DOP1B: variants seen among roughly 807,000 people sequenced by gnomAD.
The protein encoded by DOP1B is DOP1 leucine zipper like protein B, also known as protein DOP1B.
DOP1B carries 174 observed loss-of-function variants against 233.5 expected under a neutral mutation model. That is an observed-to-expected ratio of 0.75 (90% CI 0.66 to 0.85). The LOEUF (loss-of-function observed/expected upper bound fraction) is 0.85, where lower values mean the gene tolerates loss of function less well. DOP1B is among the 40% of genes least tolerant of loss of function. The pLI is 0.00. For missense variants in DOP1B, 2,652 were observed against 2,846.6 expected (o/e 0.93, Z 1.56); for synonymous variants, 1,190 against 1,185.6 (o/e 1.00, Z -0.08).
At chr21:36,205,974 C>T (rs1353256752) in intron 4 of DOP1B, among the ~76,000 whole-genome samples, 1 of 151,498 alleles carries the variant, frequency 6.6e-6, no homozygotes, top group Non-Finnish European at 1.5e-5. Flanking sequence ...CGTGCCATTG[C>T]ACTCCAGCCT....
intron 2 of DOP1B, among the ~76,000 whole-genome samples, chr21:36,176,083 T>A (rs1302774015): frequency 2.2e-5 from 2 of 91,842 alleles, no homozygotes; most frequent in South Asian, 4.7e-4. Context: ...AGCTTCGACT[T>A]TGGGGTGTGT....
At chr21:36,226,925 A>G (rs960220740) in intron 12 of DOP1B, among the ~76,000 whole-genome samples, 9 of 152,102 alleles carry the variant, frequency 5.9e-5, no homozygotes, top group African/African-American at 2.2e-4. Context: ...TTGAAAATTA[A>G]TATGGTATGG....
At chr21:36,244,913 T>A in intron 18 of DOP1B, 135 bp from the exon 19 acceptor site, 1 of 845,434 alleles carries the variant, frequency 1.2e-6, no homozygotes, top group Non-Finnish European at 1.8e-6. Context: ...AACCGGACTC[T>A]GGTGGTGGTG....
rs960975765 is a variant in DOP1B, at chr21:36,214,665, A to G, written c.1129+109A>G. On this transcript the variant is annotated intron_variant, in intron 9 of 36. Coordinates refer to ENST00000691173, the MANE Select transcript of DOP1B (RefSeq NM_001320714.2). Reference sequence around the variant, plus strand: ...AAAGCGTTATTTTGAATATAATTTAATATTTGGAATTTCACAACTTTGAAG... The same window carrying G: ...AAAGCGTTATTTTGAATATAATTTAGTATTTGGAATTTCACAACTTTGAAG... 3.0e-6 allele frequency: 3 copies of G among 999,012 alleles called. No individual in the cohort carries two copies. The East Asian group carries it at 7.9e-5, about 26-fold the overall frequency. 61.9% of individuals were successfully genotyped at this position (999,012 alleles called of 1,614,324 possible).
chr21:36,225,540 A>T, intron 11 of DOP1B, 25 bp from the exon 12 acceptor site: 1 of 1,613,380 alleles, frequency 6.2e-7, no homozygotes, highest in Non-Finnish European at 8.5e-7. Context: ...CAAAGAATGG[A>T]TTTTTTCTTT....
chr21:36,280,166 C>T, intron 30 of DOP1B, 119 bp from the exon 31 acceptor site: 4 of 693,824 alleles, frequency 5.8e-6, no homozygotes, highest in Non-Finnish European at 7.0e-6. Flanking sequence ...TGAGCCACTG[C>T]ACCTGGCCCA....
chr21:36,225,004 C>A (rs79786867), intron 11 of DOP1B, among the ~76,000 whole-genome samples: 10,875 of 151,890 alleles, frequency 0.072, 537 homozygotes, highest in African/African-American at 0.13. Context: ...CGATGGTACT[C>A]CAGGTCTCCT....
intron 30 of DOP1B, among the ~76,000 whole-genome samples, chr21:36,279,899 G>C (rs896599652): frequency 6.6e-6 from 1 of 152,034 alleles, no homozygotes; most frequent in Non-Finnish European, 1.5e-5. Context: ...TTTTGAGATG[G>C]AGTTTTGCTC....
At chr21:36,191,210 T>C (rs538635227) in intron 2 of DOP1B, among the ~76,000 whole-genome samples, 1 of 148,432 alleles carries the variant, frequency 6.7e-6, no homozygotes, top group African/African-American at 2.5e-5. Context: ...GAAGACGCTG[T>C]CAGAGAATAA....
At chr21:36,233,211 T>A in intron 15 of DOP1B, 136 bp downstream of exon 15, 1 of 1,188,730 alleles carries the variant, frequency 8.4e-7, no homozygotes, top group Non-Finnish European at 1.2e-6. Flanking sequence ...GCAGAGGCAG[T>A]AGCCTTTGGT....
Position 36,277,011 on chromosome 21 carries a change from C to T in DOP1B, c.5633-10C>T, listed in dbSNP as rs766026408. On this transcript the variant is annotated splice_polypyrimidine_tract_variant and intron_variant, in intron 27 of 36. Coordinates refer to ENST00000691173, the MANE Select transcript of DOP1B (RefSeq NM_001320714.2). ...ATAGTTAACATACAAATGGCTCTTT[C>T]TGTTCACAGATGCTGCTGCAGCTTC... 1 of 1,613,820 alleles carries T rather than the reference C, an allele frequency of 6.2e-7. No individual in the cohort carries two copies. The highest frequency in any genetic ancestry group is 1.3e-5 in the African/African-American group (1 of 74,914).
chr21:36,228,954 G>A (rs116361753), intron 13 of DOP1B, among the ~76,000 whole-genome samples: 1,707 of 152,194 alleles, frequency 0.011, 39 homozygotes, highest in African/African-American at 0.038. Flanking sequence ...CTGAGTGAGA[G>A]CAAGACCCTG....
intron 10 of DOP1B, among the ~76,000 whole-genome samples, chr21:36,221,790 C>A (rs1171590567): frequency 6.6e-6 from 1 of 152,110 alleles, no homozygotes; most frequent in Non-Finnish European, 1.5e-5. Flanking sequence ...GTTGGCCAGG[C>A]TGGCCTCGAA....
Position 36,189,709 on chromosome 21 carries a change from CA to C in DOP1B, c.139-9352del, listed in dbSNP as rs556052033. Among the ~76,000 whole-genome samples, 707 of 148,530 alleles carry C rather than the reference CA, an allele frequency of 4.8e-3. 4 individuals carry two copies. The highest frequency in any genetic ancestry group is 0.016 in the African/African-American group (645 of 40,376). ...TGGGTGACAGAGCGAGACTCTGTCT[CA>C]AAAAAAAATGGGATTTTGGGTTAGG... On this transcript the variant is annotated intron_variant, in intron 2 of 36. Transcript: ENST00000691173.
chr21:36,227,657 TG>T, intron 12 of DOP1B, 28 bp from the exon 13 acceptor site: 1 of 1,459,746 alleles, frequency 6.9e-7, no homozygotes, highest in African/African-American at 1.4e-5. Flanking sequence ...ACCAACATTG[TG>T]GGGTTAACCT....
At chr21:36,248,300 C>T in intron 20 of DOP1B, 80 bp from the exon 21 acceptor site, 1 of 1,475,610 alleles carries the variant, frequency 6.8e-7, no homozygotes, top group Admixed American at 1.9e-5. Context: ...AGACCTAATC[C>T]CGCTAGCACT....
chr21:36,259,066 T>C (rs1041493866), intron 23 of DOP1B, among the ~76,000 whole-genome samples: 3 of 148,522 alleles, frequency 2.0e-5, no homozygotes, highest in Non-Finnish European at 3.0e-5. Flanking sequence ...CCCAGGTTCA[T>C]GCCATTCTCC....
chr21:36,269,652 T>G (rs1215292153), intron 26 of DOP1B, among the ~76,000 whole-genome samples: 1 of 152,054 alleles, frequency 6.6e-6, no homozygotes, highest in African/African-American at 2.4e-5. Context: ...TCCCGAGTAC[T>G]GGGACTACAG....
intron 9 of DOP1B, among the ~76,000 whole-genome samples, chr21:36,219,135 G>A (rs1023886526): frequency 6.6e-6 from 1 of 152,148 alleles, no homozygotes; most frequent in African/African-American, 2.4e-5. Context: ...GATGTAAAAC[G>A]CGTAGAAGGG....
Sources: gnomAD v4.1 joint callset for allele counts (sites outside exome capture counted in the v4.1 genomes callset) on GRCh38, gnomAD v4.1.1 for gene constraint, MANE v1.5 for transcripts, NCBI Gene and HGNC (gene_info 2026-07-23, HGNC 2026-07-21) for gene names.